The following GLE1 variants were observed in gnomAD, a reference collection of about 807,000 sequenced individuals.
GLE1 encodes GLE1 RNA export mediator.
In GLE1, 78 loss-of-function variants were observed where a neutral mutation model predicts 97.3. The ratio of observed to expected loss-of-function variants is 0.80; its 90% confidence interval spans 0.67 to 0.97. The LOEUF is 0.97. Ranked by LOEUF, GLE1 falls within the 50% of genes least tolerant of loss-of-function variation. The pLI is 0.00. For missense variants in GLE1, 753 were observed against 857.5 expected (o/e 0.88, Z 1.52); for synonymous variants, 302 against 313.4 (o/e 0.96, Z 0.39).
At chr9:128,516,609 G>A (rs1032834947) in intron 3 of GLE1, among the ~76,000 whole-genome samples, 14 of 151,720 alleles carry the variant, frequency 9.2e-5, no homozygotes, top group African/African-American at 1.2e-4. Flanking sequence ...ATGAGCCACC[G>A]TGCCCGGCCT....
At position 128,541,410 on chromosome 9, in the gene GLE1, T is replaced by C; in HGVS notation, c.*240T>C. 1 of 543,966 alleles carries C rather than the reference T, an allele frequency of 1.8e-6. No individual in the cohort carries two copies. The highest frequency in any genetic ancestry group is 3.3e-6 in the Non-Finnish European group (1 of 303,028). The allele number at this position is 543,966 out of a possible 1,614,324, so 33.7% of individuals were successfully genotyped here. ...GTGATAAAATAAATGGAGTTGGCCT[T>C]TCTTGTTTTTTGCAAAAGTGATAAA... is the stretch of plus-strand genomic sequence containing the variant. On this transcript the variant is annotated 3_prime_UTR_variant, in exon 16 of 16. Transcript: ENST00000309971.
chr9:128,531,721 A>C (rs190104473), intron 9 of GLE1, among the ~76,000 whole-genome samples: 1 of 151,130 alleles, frequency 6.6e-6, no homozygotes, highest in South Asian at 2.1e-4. Context: ...AGTCCCAGCT[A>C]CTTGGGAGGC....
intron 9 of GLE1, among the ~76,000 whole-genome samples, chr9:128,528,561 C>T (rs1313407622): frequency 6.6e-6 from 1 of 152,128 alleles, no homozygotes; most frequent in African/African-American, 2.4e-5. Context: ...CCTCAGCTTC[C>T]CAAAGCGCTG....
chr9:128,525,921 C>T (rs536842034), intron 7 of GLE1, among the ~76,000 whole-genome samples: 75 of 152,084 alleles, frequency 4.9e-4, no homozygotes, highest in African/African-American at 1.8e-3. Flanking sequence ...GAGACTCCGT[C>T]TCAAAAAAAG....
At chr9:128,516,573 C>T (rs1846994475) in intron 3 of GLE1, among the ~76,000 whole-genome samples, 1 of 152,128 alleles carries the variant, frequency 6.6e-6, no homozygotes, top group African/African-American at 2.4e-5. Flanking sequence ...CCCGCCTCGG[C>T]CTCCCAGAGT....
intron 8 of GLE1, 68 bp downstream of exon 8, chr9:128,527,359 C>T: frequency 7.8e-7 from 1 of 1,276,046 alleles, no homozygotes; most frequent in Non-Finnish European, 1.1e-6. Flanking sequence ...CACTTCGTGT[C>T]CCAAAGGAAT....
chr9:128,539,966 T>G, intron 14 of GLE1: 1 of 898,662 alleles, frequency 1.1e-6, no homozygotes, highest in Non-Finnish European at 1.6e-6. Flanking sequence ...ATGCCTATAA[T>G]TGCAGCTCTT....
rs1564148315 is a variant in GLE1, at chr9:128,520,368, ATGTATATATGTATATG to A, written c.433-2286_433-2271del. Among the ~76,000 whole-genome samples the A allele has an allele frequency of 4.5e-5, 6 of 133,956 alleles. No individual in the cohort carries two copies. In the South Asian group the frequency reaches 1.4e-3, roughly 32 times the overall value. The allele number at this position is 133,956 out of a possible 152,430, so 87.9% of individuals were successfully genotyped here. A position where few individuals can be genotyped will look rare whatever the true frequency, so the allele number is the denominator to read the frequency against. On this transcript the variant is annotated intron_variant, in intron 3 of 15. Coordinates refer to ENST00000309971, the MANE Select transcript of GLE1 (RefSeq NM_001003722.2). The stretch of plus-strand genomic sequence containing the variant: ...TGTGTATATATGTATGTGTGTATAT[ATGTATATATGTATATG>A]TGTATATATGTATGTGTGTATATAT...
At chr9:128,522,934 A>C in intron 4 of GLE1, 118 bp downstream of exon 4, 1 of 1,189,822 alleles carries the variant, frequency 8.4e-7, no homozygotes, top group Non-Finnish European at 1.2e-6. Context: ...ATCAAGGTAA[A>C]ATAGGCAGAG....
chr9:128,515,132 C>CT (rs1846944052), intron 2 of GLE1, among the ~76,000 whole-genome samples: 1 of 152,014 alleles, frequency 6.6e-6, no homozygotes, highest in Non-Finnish European at 1.5e-5. Flanking sequence ...GGATAGAGTA[C>CT]TTTGATAGCC....
At chr9:128,526,070 G>A (rs1265438647) in intron 7 of GLE1, among the ~76,000 whole-genome samples, 2 of 151,992 alleles carry the variant, frequency 1.3e-5, no homozygotes, top group Non-Finnish European at 2.9e-5. Context: ...TGCCCAGGCT[G>A]GATTGCAGTG....
At chr9:128,533,226 C>A (rs894073993) in intron 9 of GLE1, among the ~76,000 whole-genome samples, 3 of 151,606 alleles carry the variant, frequency 2.0e-5, no homozygotes, top group Non-Finnish European at 4.4e-5. Flanking sequence ...CAGTTAGAGA[C>A]CAGCCTGGCC....
At position 128,527,468 on chromosome 9, in the gene GLE1, A is replaced by G; in HGVS notation, c.1255A>G (p.Lys419Glu). ...NSKDSQAKKI[K>E]MDLQKAATIP... ...TCTCTTCTGGCAGGCCAAAAAGATA[A>G]AGATGGACCTCCAGAAGGCTGCTAC... Residue 419 changes from lysine to glutamate, a missense_variant, in exon 9 of 16, where the codon AAG becomes GAG. By Grantham distance (56) the Lys-to-Glu change is moderately conservative. Transcript: ENST00000309971. 1 of 1,612,846 alleles carries G rather than the reference A, an allele frequency of 6.2e-7. No individual in the cohort carries two copies. Among genetic ancestry groups the G allele is most frequent in the Non-Finnish European group, 8.5e-7 (1 of 1,178,860 alleles).
At chr9:128,531,824 T>TC (rs1318668152) in intron 9 of GLE1, among the ~76,000 whole-genome samples, 18 of 109,104 alleles carry the variant, frequency 1.6e-4, no homozygotes, top group Admixed American at 3.4e-4. Flanking sequence ...AGAGTGAGAC[T>TC]CCAGCTCAAA....
chr9:128,533,974 T>A, intron 11 of GLE1, 23 bp downstream of exon 11: 1 of 1,424,138 alleles, frequency 7.0e-7, no homozygotes, highest in Non-Finnish European at 9.9e-7. Flanking sequence ...TTCTCCCTAC[T>A]CACTATCCCT....
intron 9 of GLE1, among the ~76,000 whole-genome samples, chr9:128,529,538 C>T (rs1847417879): frequency 6.6e-6 from 1 of 152,128 alleles, no homozygotes; most frequent in Admixed American, 6.6e-5. Flanking sequence ...ACATGAGTCT[C>T]CCTTGATCCT....
chr9:128,504,742 C>T lies in GLE1; in HGVS notation c.-64C>T, dbSNP rs1003738375. ...GCAGAAGCCTGTGTGGCCTTCCCGG[C>T]GGCTGATTCGAGGGCTTGTTTGGTC... On this transcript the variant is annotated 5_prime_UTR_variant, in exon 1 of 16. Transcript: ENST00000309971. 1.8e-6 allele frequency: 2 copies of T among 1,107,080 alleles called. No individual in the cohort carries two copies. The highest frequency in any genetic ancestry group is 1.2e-5 in the South Asian group (1 of 81,302). The allele number at this position is 1,107,080 out of a possible 1,614,324, so 68.6% of individuals were successfully genotyped here.
intron 1 of GLE1, among the ~76,000 whole-genome samples, chr9:128,506,861 T>C (rs1183813640): frequency 2.0e-5 from 3 of 152,238 alleles, no homozygotes; most frequent in Non-Finnish European, 2.9e-5. Flanking sequence ...TGTTTGTAAA[T>C]ATGTTACCTA....
chr9:128,508,841 G>C (rs368997996), intron 1 of GLE1, 35 bp from the exon 2 acceptor site: 1 of 1,181,628 alleles, frequency 8.5e-7, no homozygotes, highest in South Asian at 1.2e-5. Flanking sequence ...AACAGTTGAC[G>C]TGTAAGTTGA....
Sources: allele counts gnomAD v4.1 joint callset (sites outside exome capture counted in the v4.1 genomes callset), GRCh38; gene constraint gnomAD v4.1.1; transcripts MANE v1.5; gene names NCBI Gene and HGNC (gene_info 2026-07-23, HGNC 2026-07-21).